GSE1: variants seen among roughly 807,000 people sequenced by gnomAD.
GSE1 encodes the protein Gse1 coiled-coil protein, also known as genetic suppressor element 1.
Under a neutral mutation model 112.6 loss-of-function variants are expected in GSE1, and 32 were observed. The ratio of observed to expected loss-of-function variants is 0.28; its 90% CI spans 0.21 to 0.38. The LOEUF (loss-of-function observed/expected upper bound fraction) is 0.38, where lower values mean the gene tolerates loss of function less well. Among genes scored for constraint, GSE1 ranks in the 10% least tolerant of loss-of-function variants. The probability of loss-of-function intolerance (pLI) is 1.00; values close to 1 mark genes in which losing one functional copy is unlikely to be tolerated. For synonymous variants in GSE1, 1,115 were observed against 735.6 expected (o/e 1.52, Z -8.35); for missense variants, 2,348 against 1,699.2 (o/e 1.38, Z -6.71).
At chr16:85,194,207 C>T (rs1023297340) in intron 1 of GSE1, among the ~76,000 whole-genome samples, 3 of 152,118 alleles carry the variant, frequency 2.0e-5, no homozygotes, top group Non-Finnish European at 4.4e-5. Context: ...GTCCGGGCGC[C>T]CTTGTGGTCT....
chr16:85,670,579 T>C (rs2053249535), intron 14 of GSE1: 1 of 153,844 alleles, frequency 6.5e-6, no homozygotes, highest in Admixed American at 6.5e-5. Flanking sequence ...GTCACTCTCC[T>C]GTTGAAACTA....
Position 85,581,482 on chromosome 16 carries a change from A to G in GSE1, c.37+25119A>G, listed in dbSNP as rs550109747. Among the ~76,000 whole-genome samples the G allele has an allele frequency of 3.9e-5, 6 of 152,010 alleles. 1 individual carries two copies. The South Asian group carries it at 1.2e-3, about 32-fold the overall frequency. ...TTAGGATTCGGATTCTGGGGAGCTG[A>G]CGGGTTATCAGGCCCTCTGTTTCTG... On this transcript the variant is annotated intron_variant, in intron 1 of 2. Transcript: ENST00000635906.
intron 2 of GSE1, among the ~76,000 whole-genome samples, chr16:85,510,254 C>G (rs1260573158): frequency 6.6e-6 from 1 of 152,210 alleles, no homozygotes; most frequent in African/African-American, 2.4e-5. Context: ...TTCCCAGAAG[C>G]AAAGTTTTGC....
rs78590702 is a variant in GSE1 at position 85,412,977 on chromosome 16, G to A, written c.2464+55334G>A. On this transcript the variant is annotated intron_variant, in intron 2 of 2. Transcript: ENST00000637419. ...AAGCCATCGGCCCGGGTGCCTGTTC[G>A]GGTGCAGGTTATAATGCTGAGCCTT... 5.4e-3 allele frequency among the ~76,000 whole-genome samples: 818 copies of A among 152,284 alleles called. 7 individuals are homozygous for A. Among genetic ancestry groups the A allele is most frequent in the South Asian group, 7.9e-3 (38 of 4,820 alleles).
chr16:85,444,313 A>G (rs1258910494), intron 2 of GSE1, among the ~76,000 whole-genome samples: 1 of 152,158 alleles, frequency 6.6e-6, no homozygotes, highest in East Asian at 1.9e-4. Flanking sequence ...AGCCCAAAGG[A>G]CATAAGCAAA....
chr16:85,399,962 C>T (rs968299885), intron 2 of GSE1, among the ~76,000 whole-genome samples: 5 of 152,198 alleles, frequency 3.3e-5, no homozygotes, highest in Non-Finnish European at 5.9e-5. Flanking sequence ...CCTGGAGCTG[C>T]GCCCCATGGA....
chr16:85,444,177 G>T (rs1323600427), intron 2 of GSE1, among the ~76,000 whole-genome samples: 1 of 152,098 alleles, frequency 6.6e-6, no homozygotes, highest in Non-Finnish European at 1.5e-5. Context: ...GTAGAGACAG[G>T]CTTTCACCAT....
intron 1 of GSE1, among the ~76,000 whole-genome samples, chr16:85,226,506 C>T (rs2075488087): frequency 6.6e-6 from 1 of 152,188 alleles, no homozygotes; most frequent in Non-Finnish European, 1.5e-5. Flanking sequence ...ACTCTGCAGC[C>T]AGATGGCCTT....
chr16:85,437,388 G>A lies in GSE1; in HGVS notation c.2464+79745G>A, dbSNP rs1342777421. On this transcript the variant is annotated intron_variant, in intron 2 of 2. Transcript: ENST00000637419. ...TTCCCTCTTCTCATTTTTATTTCTAGAAAGCAGGATGTTGCCAAGACCCGG... is the reference window on the plus strand; with the variant it reads ...TTCCCTCTTCTCATTTTTATTTCTAAAAAGCAGGATGTTGCCAAGACCCGG... 3.9e-5 allele frequency among the ~76,000 whole-genome samples: 6 copies of A among 152,238 alleles called. No individual in the cohort carries two copies. The South Asian group carries it at 1.2e-3, about 32-fold the overall frequency.
Position 85,493,747 on chromosome 16 carries a change from G to T in GSE1, c.2464+136104G>T, listed in dbSNP as rs150658964. ...AGAGGTTGTGGTAAGCCGAGATCATGCCATTGCACTCTAGCCTGGGCAACG... is the reference window on the plus strand; with the variant it reads ...AGAGGTTGTGGTAAGCCGAGATCATTCCATTGCACTCTAGCCTGGGCAACG... On this transcript the variant is annotated intron_variant, in intron 2 of 2. Transcript: ENST00000637419. Among the ~76,000 whole-genome samples, 426 of 138,442 alleles carry T rather than the reference G, an allele frequency of 3.1e-3. 2 individuals carry two copies. The highest frequency in any genetic ancestry group is 0.011 in the African/African-American group (407 of 36,964). 90.8% of individuals were successfully genotyped at this position (138,442 alleles called of 152,430 possible). A position where few individuals can be genotyped will look rare whatever the true frequency, so the allele number is the denominator to read the frequency against.
intron 2 of GSE1, among the ~76,000 whole-genome samples, chr16:85,493,082 A>T (rs1043808203): frequency 3.3e-5 from 5 of 152,046 alleles, no homozygotes; most frequent in African/African-American, 1.2e-4. Flanking sequence ...GGGATGTTGG[A>T]GCAGAGGCCT....
At chr16:85,537,863 A>G (rs2044384223) in intron 2 of GSE1, among the ~76,000 whole-genome samples, 1 of 152,000 alleles carries the variant, frequency 6.6e-6, no homozygotes, top group African/African-American at 2.4e-5. Flanking sequence ...CTCTCTATGG[A>G]GTTTGTGTTT....
chr16:85,379,269 C>G (rs2047492408), intron 2 of GSE1, among the ~76,000 whole-genome samples: 1 of 152,226 alleles, frequency 6.6e-6, no homozygotes, highest in Non-Finnish European at 1.5e-5. Context: ...CAATCCTGGT[C>G]TGGTGTCCAC....
intron 2 of GSE1, among the ~76,000 whole-genome samples, chr16:85,470,590 G>T (rs935073684): frequency 5.3e-5 from 8 of 152,222 alleles, no homozygotes; most frequent in African/African-American, 1.9e-4. Flanking sequence ...CCTTCCCAAT[G>T]CAATTGCTCT....
intron 1 of GSE1, among the ~76,000 whole-genome samples, chr16:85,572,175 C>G (rs1188721239): frequency 2.7e-5 from 4 of 148,174 alleles, no homozygotes; most frequent in Non-Finnish European, 4.5e-5. Flanking sequence ...GAATACTACA[C>G]ACACACCACA....
intron 1 of GSE1, among the ~76,000 whole-genome samples, chr16:85,267,327 A>C (rs747478515): frequency 7.9e-5 from 12 of 152,094 alleles, no homozygotes; most frequent in Non-Finnish European, 1.6e-4. Context: ...CCAGAAGCAA[A>C]GTGGACCAGC....
intron 2 of GSE1, among the ~76,000 whole-genome samples, chr16:85,502,773 C>T (rs1257620395): frequency 1.3e-5 from 2 of 152,204 alleles, no homozygotes; most frequent in African/African-American, 2.4e-5. Flanking sequence ...GGAAGGACTG[C>T]GTTTACTCTG....
chr16:85,170,966 G>A, exon 1 of GSE1: 1 of 985,490 alleles, frequency 1.0e-6, no homozygotes, highest in Non-Finnish European at 1.2e-6. Context: ...CGAGAGGCCT[G>A]CTACCTCTGT....
chr16:85,557,418 G>T (rs142812686), intron 1 of GSE1, among the ~76,000 whole-genome samples: 50 of 152,264 alleles, frequency 3.3e-4, no homozygotes, highest in African/African-American at 1.2e-3. Flanking sequence ...GGGTGGGGAG[G>T]GTGATGTGGG....
Sources: allele counts gnomAD v4.1 joint callset (sites outside exome capture counted in the v4.1 genomes callset), GRCh38; gene constraint gnomAD v4.1.1; transcripts MANE v1.5; gene names NCBI Gene and HGNC (gene_info 2026-07-23, HGNC 2026-07-21).